CAMK2G: variants seen among roughly 807,000 people sequenced by gnomAD.
The protein encoded by CAMK2G is calcium/calmodulin-dependent protein kinase type II subunit gamma.
Under a neutral mutation model 88.7 loss-of-function variants are expected in CAMK2G, and 23 were observed. The observed-to-expected ratio is 0.26, with a 90% CI of 0.19 to 0.37. The LOEUF (loss-of-function observed/expected upper bound fraction) is 0.37, where lower values mean the gene tolerates loss of function less well. CAMK2G is among the 10% of genes least tolerant of loss of function. CAMK2G has a pLI of 1.00. For synonymous variants in CAMK2G, 263 were observed against 294.8 expected, an observed-to-expected ratio of 0.89 and a Z score of 1.11; for missense variants, 476 against 780.8, an observed-to-expected ratio of 0.61 and a Z score of 4.65.
At position 73,850,422 on chromosome 10, in the gene CAMK2G, GC is replaced by G. The variant is rs377637421; in HGVS notation, c.342-1090del. ...TCAACTGGGAATGAATTTGCCGCCC[GC>G]CCCCCCCCACCGCAGGGGACATTTG... On this transcript the variant is annotated intron_variant, in intron 5 of 22. Coordinates refer to ENST00000423381, the MANE Select transcript of CAMK2G (RefSeq NM_001367534.1). Among the ~76,000 whole-genome samples, 796 of 151,098 alleles carry G rather than the reference GC, an allele frequency of 5.3e-3. 9 individuals carry two copies. Among genetic ancestry groups the G allele is most frequent in the African/African-American group, 0.018 (750 of 41,212 alleles).
At chr10:73,868,172 A>G (rs901569937) in intron 2 of CAMK2G, among the ~76,000 whole-genome samples, 5 of 152,132 alleles carry the variant, frequency 3.3e-5, no homozygotes, top group East Asian at 3.9e-4. Flanking sequence ...CCCCTTCCCT[A>G]TCTCCAGTCT....
intron 2 of CAMK2G, among the ~76,000 whole-genome samples, chr10:73,871,191 T>C (rs1364743550): frequency 1.3e-5 from 2 of 149,878 alleles, no homozygotes; most frequent in Non-Finnish European, 3.0e-5. Context: ...CAACGAGAAA[T>C]CAAGTCTCAT....
intron 19 of CAMK2G, chr10:73,817,903 G>A (rs1481445010): frequency 6.8e-6 from 2 of 293,450 alleles, no homozygotes; most frequent in Admixed American, 8.8e-5. Context: ...TGTATGAGCA[G>A]CCTCTCTCAC....
At chr10:73,821,291 T>A (rs547870202) in intron 18 of CAMK2G, among the ~76,000 whole-genome samples, 2 of 152,258 alleles carry the variant, frequency 1.3e-5, no homozygotes, top group South Asian at 2.1e-4. Flanking sequence ...AAGTTCTGTG[T>A]CCGAGGAAAA....
Position 73,816,773 on chromosome 10 carries a change from T to C in CAMK2G, c.1534+250A>G, listed in dbSNP as rs895461006. 4 of 1,469,642 alleles carry C rather than the reference T, an allele frequency of 2.7e-6. No homozygotes were observed. The African/African-American group carries it at 4.2e-5, about 15-fold the overall frequency. 91.0% of individuals were successfully genotyped at this position (1,469,642 alleles called of 1,614,324 possible). ...CGCGCCCGGCAAGAAATAAGTGAGC[T>C]TGATTGTGGTGACTGGCACTGCCAC... On this transcript the variant is annotated intron_variant, in intron 21 of 22. Coordinates refer to ENST00000423381, the MANE Select transcript of CAMK2G (RefSeq NM_001367534.1).
chr10:73,822,559 C>T (rs2089325649), intron 17 of CAMK2G, among the ~76,000 whole-genome samples: 1 of 152,182 alleles, frequency 6.6e-6, no homozygotes, highest in African/African-American at 2.4e-5. Flanking sequence ...AATAGCTTCT[C>T]CTTGCTGCTG....
chr10:73,820,689 T>TTTTTTTTTTTG (rs2088120461), intron 18 of CAMK2G, among the ~76,000 whole-genome samples: 1 of 104,670 alleles, frequency 9.6e-6, no homozygotes, highest in Non-Finnish European at 1.8e-5. Context: ...TTTTTTTTTT[T>TTTTTTTTTTTG]GAGAAGAAGT....
At chr10:73,828,001 C>T (rs2091508979) in intron 15 of CAMK2G, 88 bp downstream of exon 15, 2 of 1,027,534 alleles carry the variant, frequency 1.9e-6, no homozygotes, top group Non-Finnish European at 3.1e-6. Context: ...ATGAGTGAGG[C>T]ACACGCACGT....
chr10:73,833,949 T>C (rs4746152), intron 14 of CAMK2G, among the ~76,000 whole-genome samples: 23,275 of 133,864 alleles, frequency 0.17, 2,159 homozygotes, highest in South Asian at 0.23. Context: ...GACGGAGTCT[T>C]GCTCTGTCAC....
intron 14 of CAMK2G, among the ~76,000 whole-genome samples, chr10:73,834,916 G>A (rs2134074037): frequency 6.6e-6 from 1 of 152,220 alleles, no homozygotes; most frequent in Middle Eastern, 3.4e-3. Context: ...TTTATTTCAG[G>A]TCTCATTTTA....
chr10:73,817,697 G>A (rs772637740), intron 19 of CAMK2G, 143 bp from the exon 20 acceptor site: 9 of 646,592 alleles, frequency 1.4e-5, no homozygotes, highest in Middle Eastern at 6.1e-4. Flanking sequence ...TTGGCAGGAA[G>A]AGCGAACACA....
intron 10 of CAMK2G, chr10:73,846,930 C>T (rs368839210): frequency 3.4e-5 from 10 of 289,954 alleles, no homozygotes; most frequent in African/African-American, 1.7e-4. Context: ...TTTCTATCAC[C>T]GGCTACCTGG....
At chr10:73,873,505 A>G in intron 1 of CAMK2G, 2 of 1,016,264 alleles carry the variant, frequency 2.0e-6, no homozygotes, top group Non-Finnish European at 2.4e-6. Flanking sequence ...AGGAAAGATT[A>G]AAAAGAGGGT....
At position 73,842,158 on chromosome 10, in the gene CAMK2G, G is replaced by A; in HGVS notation, c.946+11C>T. On this transcript the variant is annotated intron_variant, in intron 12 of 22. Transcript: ENST00000423381. The surrounding 1 kb of genome is among the most constrained non-coding windows in gnomAD (Gnocchi z 4.6). The stretch of plus-strand genomic sequence containing the variant: ...TCGGCATAATCAAAGTACACAGCTG[G>A]GAAAACATACCTGAGAAGTTCCTGG... The A allele has an allele frequency of 6.2e-7, 1 of 1,608,288 alleles. No homozygotes were observed. Among genetic ancestry groups the A allele is most frequent in the Non-Finnish European group, 8.5e-7 (1 of 1,174,606 alleles).
chr10:73,822,337 T>C (rs1202172597), intron 17 of CAMK2G, among the ~76,000 whole-genome samples: 1 of 152,116 alleles, frequency 6.6e-6, no homozygotes, highest in Non-Finnish European at 1.5e-5. Context: ...CTGGCTAATT[T>C]TTGTATTTTT....
chr10:73,846,944 C>A, intron 10 of CAMK2G: 1 of 345,710 alleles, frequency 2.9e-6, no homozygotes, highest in Admixed American at 4.5e-5. Context: ...TACCTGGAGT[C>A]CACAAGGGTC....
intron 5 of CAMK2G, among the ~76,000 whole-genome samples, chr10:73,850,720 C>G (rs1240429822): frequency 6.6e-6 from 1 of 152,162 alleles, no homozygotes; most frequent in Non-Finnish European, 1.5e-5. Flanking sequence ...ACTTACTATT[C>G]CTAAAATCTG....
intron 5 of CAMK2G, among the ~76,000 whole-genome samples, chr10:73,851,405 G>A (rs897434583): frequency 2.5e-4 from 38 of 152,170 alleles, no homozygotes; most frequent in African/African-American, 8.2e-4. Flanking sequence ...GCCGGGGAAC[G>A]GTCCTCAAGT....
chr10:73,873,605 G>T, intron 1 of CAMK2G: 1 of 852,440 alleles, frequency 1.2e-6, no homozygotes, highest in Non-Finnish European at 1.4e-6. Context: ...CTGCATCCCG[G>T]CTCAACTGAC....
Sources: gnomAD v4.1 joint callset for allele counts (sites outside exome capture counted in the v4.1 genomes callset) on GRCh38, gnomAD v4.1.1 for gene constraint, Gnocchi (gnomAD v3.1) non-coding constraint, MANE v1.5 for transcripts, NCBI Gene and HGNC (gene_info 2026-07-23, HGNC 2026-07-21) for gene names.